Variants in C4orf50 observed in about 807,000 individuals in gnomAD.
C4orf50 encodes uncharacterized protein C4orf50.
C4orf50 carries 80 observed loss-of-function variants against 77.2 expected under a neutral mutation model. The observed-to-expected ratio is 1.04, with a 90% CI of 0.87 to 1.25. The LOEUF (loss-of-function observed/expected upper bound fraction) is 1.25, where lower values mean the gene tolerates loss of function less well. Among genes scored for constraint, C4orf50 ranks in the 50% most tolerant of loss-of-function variants. The pLI, the probability that C4orf50 is intolerant of heterozygous loss-of-function variation, is 0.00. For synonymous variants in C4orf50, 532 were observed against 465.3 expected (o/e 1.14, Z -1.84); for missense variants, 1,257 against 1,152.9 (o/e 1.09, Z -1.31).
chr4:5,967,528 C>G, intron 31 of C4orf50, 66 bp from the exon 10 acceptor site: 1 of 1,407,060 alleles, frequency 7.1e-7, no homozygotes, highest in Non-Finnish European at 1.0e-6. Context: ...GCACAGAAGA[C>G]TGCAATTGGA....
At chr4:5,909,507 T>C (rs894741132) in intron 7 of C4orf50, among the ~76,000 whole-genome samples, 1 of 152,282 alleles carries the variant, frequency 6.6e-6, no homozygotes, top group Non-Finnish European at 1.5e-5. Flanking sequence ...AGGAACCTTT[T>C]AGTTTGATAC....
At chr4:5,988,932 A>G in exon 28 of C4orf50, 4 of 1,535,630 alleles carry the variant, frequency 2.6e-6, no homozygotes, top group Middle Eastern at 1.7e-4. Flanking sequence ...ATTTCCTGAC[A>G]CTCTCAGACG....
At chr4:5,949,934 A>G (rs1718645336) in intron 7 of C4orf50, among the ~76,000 whole-genome samples, 1 of 148,986 alleles carries the variant, frequency 6.7e-6, no homozygotes, top group Non-Finnish European at 1.5e-5. Flanking sequence ...AGTTGCAGTG[A>G]GCCAAGATCG....
chr4:5,943,000 A>G (rs1718327362), intron 7 of C4orf50, among the ~76,000 whole-genome samples: 1 of 152,202 alleles, frequency 6.6e-6, no homozygotes, highest in Admixed American at 6.5e-5. Flanking sequence ...TTATAAGCAG[A>G]AAAATGTTGT....
chr4:5,933,184 G>A (rs961959206), intron 7 of C4orf50, among the ~76,000 whole-genome samples: 1 of 152,144 alleles, frequency 6.6e-6, no homozygotes, highest in South Asian at 2.1e-4. Context: ...TCTCACAGAG[G>A]GTGGAAGAAG....
Position 6,008,366 on chromosome 4 carries a change from A to G in C4orf50, c.593T>C (p.Leu198Pro), listed in dbSNP as rs1722339726. ...CTCCAGCCGCTGCACCTGCTCCCGC[A>G]GGACGCGCTCCTGCTCCCGCACCAG... The change falls in exon 25 of 34, where the codon CTG becomes CCG. Residue 198 changes from leucine to proline, a missense_variant. Leu to Pro is a moderately conservative substitution (Grantham distance 98). Transcript: ENST00000531445. This position sits in a 1 kb window ranked among gnomAD's most constrained non-coding sequence, Gnocchi z 6.0. The G allele has an allele frequency of 5.1e-6, 2 of 392,162 alleles. No homozygotes were observed. The highest frequency in any genetic ancestry group is 9.0e-6 in the Non-Finnish European group (2 of 222,004). 24.3% of individuals were successfully genotyped at this position (392,162 alleles called of 1,614,324 possible). A position where few individuals can be genotyped will look rare whatever the true frequency, so the allele number is the denominator to read the frequency against.
intron 7 of C4orf50, among the ~76,000 whole-genome samples, chr4:5,925,735 C>T (rs1412924599): frequency 2.0e-5 from 3 of 152,212 alleles, no homozygotes; most frequent in Admixed American, 1.3e-4. Flanking sequence ...GTCTGGTAGG[C>T]GAGATAAACA....
chr4:5,998,050 T>C (rs528829171), intron 25 of C4orf50, among the ~76,000 whole-genome samples: 2 of 152,334 alleles, frequency 1.3e-5, no homozygotes, highest in African/African-American at 4.8e-5. Flanking sequence ...TGGATATATT[T>C]GTGGAAGTCA....
rs916359437 is a variant in C4orf50 at position 6,008,176 on chromosome 4, C to G, written c.783G>C (p.Leu261=). ...GGCGCTCGGTGGCCCGGTGCTCCTGCAGGCTGCGCGCCGCCTCTTCCCGCT... is the reference window on the plus strand; with the variant it reads ...GGCGCTCGGTGGCCCGGTGCTCCTGGAGGCTGCGCGCCGCCTCTTCCCGCT... Residue 261 remains leucine (L), a synonymous_variant, in exon 25 of 34, where the codon CTG becomes CTC. Coordinates refer to ENST00000531445, the Ensembl canonical transcript of C4orf50. This position sits in a 1 kb window ranked among gnomAD's most constrained non-coding sequence, Gnocchi z 6.0. 10 of 398,438 alleles carry G rather than the reference C, an allele frequency of 2.5e-5. No individual in the cohort carries two copies. The highest frequency in any genetic ancestry group is 3.5e-5 in the Non-Finnish European group (8 of 225,862). The allele number at this position is 398,438 out of a possible 1,614,324, so 24.7% of individuals were successfully genotyped here.
chr4:5,929,019 C>G (rs1018794945), intron 7 of C4orf50, among the ~76,000 whole-genome samples: 5 of 152,192 alleles, frequency 3.3e-5, no homozygotes, highest in Non-Finnish European at 7.3e-5. Context: ...ATAGCTACCT[C>G]CTAACACTGT....
chr4:5,971,922 C>T (rs1719947689), intron 31 of C4orf50, among the ~76,000 whole-genome samples: 2 of 152,112 alleles, frequency 1.3e-5, no homozygotes, highest in South Asian at 4.1e-4. Context: ...TATGATGTCC[C>T]CACAGCAGCC....
chr4:5,957,764 A>G (rs535382062), exon 34 of C4orf50: 11 of 152,352 alleles, frequency 7.2e-5, no homozygotes, highest in East Asian at 1.9e-4. Context: ...AGAAAACCCC[A>G]TAAACGAATT....
chr4:5,939,314 C>T (rs1718166904), intron 7 of C4orf50, among the ~76,000 whole-genome samples: 1 of 152,186 alleles, frequency 6.6e-6, no homozygotes, highest in East Asian at 1.9e-4. Flanking sequence ...CCATTATCCA[C>T]AACCAGGCAA....
chr4:6,014,642 G>A (rs1224345798), intron 23 of C4orf50, among the ~76,000 whole-genome samples: 16 of 152,188 alleles, frequency 1.1e-4, no homozygotes, highest in Admixed American at 1.0e-3. Flanking sequence ...TGTGCTTTCA[G>A]ACCCTGGCCT....
Position 5,981,277 on chromosome 4 carries a change from A to G in C4orf50, c.3700-939T>C, listed in dbSNP as rs189030514. ...TGTGGCCGTGCTGAACACTCGGATT[A>G]TTCTAACATCTTGCTGTTATAATTG... On this transcript the variant is annotated intron_variant, in intron 28 of 33. Coordinates refer to ENST00000531445, the Ensembl canonical transcript of C4orf50. Among the ~76,000 whole-genome samples, 522 of 152,204 alleles carry G rather than the reference A, an allele frequency of 3.4e-3. 6 individuals carry two copies. Among genetic ancestry groups the G allele is most frequent in the African/African-American group, 0.012 (484 of 41,518 alleles).
rs1281842714 is a variant in C4orf50 at position 5,900,063 on chromosome 4, C to T, written c.*2475-1875G>A. 1 of 152,180 alleles carries T rather than the reference C, an allele frequency of 6.6e-6. No individual in the cohort carries two copies. Among genetic ancestry groups the T allele is most frequent in the Non-Finnish European group, 1.5e-5 (1 of 68,044 alleles). The allele number at this position is 152,180 out of a possible 1,614,324, so 9.4% of individuals were successfully genotyped here. A position where few individuals can be genotyped will look rare whatever the true frequency, so the allele number is the denominator to read the frequency against. On this transcript the variant is annotated intron_variant, in intron 7 of 7. Coordinates refer to the C4orf50 transcript ENST00000324058. This position sits in a 1 kb window ranked among gnomAD's most constrained non-coding sequence, Gnocchi z 4.3. Reference sequence around the variant, plus strand: ...TGTCTAAAATATGTCAGAAATGTCTCGCACCCTATTCTCAGAAGTTGGCTG... The same window carrying T: ...TGTCTAAAATATGTCAGAAATGTCTTGCACCCTATTCTCAGAAGTTGGCTG...
chr4:5,926,180 C>T (rs1372080743), intron 7 of C4orf50, among the ~76,000 whole-genome samples: 1 of 152,178 alleles, frequency 6.6e-6, no homozygotes, highest in East Asian at 1.9e-4. Context: ...AAAATGGAGA[C>T]AACCAAAATG....
At position 5,990,571 on chromosome 4, in the gene C4orf50, A is replaced by AT. The variant is rs1560588248; in HGVS notation, c.1474dup (p.Ile492AsnfsTer69). 2 of 398,636 alleles carry AT rather than the reference A, an allele frequency of 5.0e-6. No homozygotes were observed. Among genetic ancestry groups the AT allele is most frequent in the Non-Finnish European group, 8.8e-6 (2 of 226,062 alleles). The allele number at this position is 398,636 out of a possible 1,614,324, so 24.7% of individuals were successfully genotyped here. A position where few individuals can be genotyped will look rare whatever the true frequency, so the allele number is the denominator to read the frequency against. On this transcript the variant is annotated frameshift_variant, in exon 28 of 34. Transcript: ENST00000531445. LOFTEE classifies it high-confidence loss of function. ...GGACCTGGTGGCCAACTCTTCTTGG[A>AT]TTTTTTGTCCATCTGAGGGAACCTC... is the stretch of plus-strand genomic sequence containing the variant.
chr4:5,956,182 A>C (rs1718949275), downstream of C4orf50, among the ~76,000 whole-genome samples: 1 of 152,026 alleles, frequency 6.6e-6, no homozygotes, highest in South Asian at 2.1e-4. Flanking sequence ...GGAACCTTCC[A>C]CTCCAGGATT....
Sources: allele counts gnomAD v4.1 joint callset (sites outside exome capture counted in the v4.1 genomes callset), GRCh38; gene constraint gnomAD v4.1.1; non-coding constraint Gnocchi (gnomAD v3.1); transcripts MANE v1.5; gene names NCBI Gene and HGNC (gene_info 2026-07-23, HGNC 2026-07-21).